The following FBRSL1 variants were observed in gnomAD, a reference collection of about 807,000 sequenced individuals.
The protein encoded by FBRSL1 is fibrosin-1-like protein.
In FBRSL1, 51 loss-of-function variants were observed where a neutral mutation model predicts 89.6. The observed-to-expected ratio is 0.57, with a 90% CI of 0.45 to 0.72. FBRSL1 has a LOEUF of 0.72. FBRSL1 is among the 30% of genes least tolerant of loss of function. FBRSL1 has a pLI of 0.00. For synonymous variants in FBRSL1, 779 were observed against 681.1 expected, an observed-to-expected ratio of 1.14 and a Z score of -2.24; for missense variants, 1,618 against 1,451.8, an observed-to-expected ratio of 1.11 and a Z score of -1.86.
intron 2 of FBRSL1, among the ~76,000 whole-genome samples, chr12:132,523,287 C>T (rs183598167): frequency 2.0e-5 from 3 of 152,282 alleles, no homozygotes; most frequent in Admixed American, 2.0e-4. Flanking sequence ...GACCAGGACA[C>T]AGATTCCCAG....
At position 132,574,571 on chromosome 12, in the gene FBRSL1, C is replaced by A. The variant is rs758969518; in HGVS notation, c.1701+7C>A. On this transcript the variant is annotated splice_region_variant and intron_variant, in intron 14 of 18. Transcript: ENST00000680143. The stretch of plus-strand genomic sequence containing the variant: ...TCACCAGCAGAAGATAAAGGTGAGA[C>A]CACCTGGGCTGGGGCAGGGCGCTTG... 1.5e-5 allele frequency: 23 copies of A among 1,548,820 alleles called. No homozygotes were observed. Among genetic ancestry groups the A allele is most frequent in the Non-Finnish European group, 2.0e-5 (23 of 1,146,500 alleles).
At position 132,582,047 on chromosome 12, in the gene FBRSL1, G is replaced by A; in HGVS notation, c.1997-15G>A. 6.5e-7 allele frequency: 1 copy of A among 1,539,618 alleles called. No homozygotes were observed. Among genetic ancestry groups the A allele is most frequent in the Non-Finnish European group, 8.8e-7 (1 of 1,140,564 alleles). ...AGACAGACCCAACCTCATGCTCCCC[G>A]GCCTCTGCCCCCAGCTCCCGGTGGC... On this transcript the variant is annotated splice_polypyrimidine_tract_variant and intron_variant, in intron 17 of 18. Transcript: ENST00000680143.
intron 1 of FBRSL1, 103 bp downstream of exon 1, chr12:132,490,964 C>T: frequency 1.1e-6 from 1 of 930,766 alleles, no homozygotes; most frequent in Non-Finnish European, 1.3e-6. Context: ...CCGCCCGCGC[C>T]GTGGGCAGCC....
At chr12:132,528,088 A>C in intron 4 of FBRSL1, 100 bp downstream of exon 4, 5 of 1,077,288 alleles carry the variant, frequency 4.6e-6, no homozygotes, top group Non-Finnish European at 7.0e-6. Flanking sequence ...AGCTCACCCC[A>C]GTCCCGTGCC....
chr12:132,571,460 A>G (rs2040001850), intron 9 of FBRSL1: 14 of 1,549,786 alleles, frequency 9.0e-6, no homozygotes, highest in Non-Finnish European at 1.2e-5. Flanking sequence ...ACACACCAGC[A>G]CCAACACACA....
chr12:132,504,779 C>T (rs143574250), intron 1 of FBRSL1, among the ~76,000 whole-genome samples: 151 of 152,274 alleles, frequency 9.9e-4, no homozygotes, highest in African/African-American at 1.8e-3. Context: ...TGTCTTCATT[C>T]GACACTGGGG....
intron 5 of FBRSL1, among the ~76,000 whole-genome samples, chr12:132,563,898 C>T (rs55801567): frequency 0.28 from 20,410 of 71,850 alleles, 4,798 homozygotes; most frequent in East Asian, 0.7. Flanking sequence ...CCTGAACCCC[C>T]GAGCACCTGT....
chr12:132,559,570 C>T (rs11616163), intron 5 of FBRSL1, among the ~76,000 whole-genome samples: 85,921 of 151,766 alleles, frequency 0.57, 25,235 homozygotes, highest in Middle Eastern at 0.7. Context: ...TTTTTTATTT[C>T]GTAGAGACGG....
At chr12:132,510,443 C>T (rs2034204517) in intron 2 of FBRSL1, 1 of 1,231,964 alleles carries the variant, frequency 8.1e-7, no homozygotes, top group Non-Finnish European at 1.0e-6. Context: ...GCCCTGGAGC[C>T]TGATGCCTGC....
intron 2 of FBRSL1, among the ~76,000 whole-genome samples, chr12:132,520,671 G>C (rs761000311): frequency 1.3e-5 from 2 of 152,222 alleles, no homozygotes; most frequent in Admixed American, 1.3e-4. Flanking sequence ...GCATCTGCCT[G>C]CAAGTCCCTG....
Position 132,575,430 on chromosome 12 carries a change from T to C in FBRSL1, c.1701+866T>C, listed in dbSNP as rs527633601. Among the ~76,000 whole-genome samples the C allele has an allele frequency of 8.5e-5, 13 of 152,342 alleles. No individual in the cohort carries two copies. In the East Asian group the frequency reaches 2.5e-3, roughly 29 times the overall value. ...TTTTTGTAGAGACGGGGTTTCACCA[T>C]GTTGGCCAGGATGGTCTCAATCTCT... is the stretch of plus-strand genomic sequence containing the variant. On this transcript the variant is annotated intron_variant, in intron 14 of 18. Coordinates refer to ENST00000680143, the MANE Select transcript of FBRSL1 (RefSeq NM_001367871.1).
At chr12:132,581,560 C>T in intron 16 of FBRSL1, 44 bp downstream of exon 16, 1 of 1,543,304 alleles carries the variant, frequency 6.5e-7, no homozygotes, top group Non-Finnish European at 8.8e-7. Flanking sequence ...GCTGGTTCCT[C>T]AGCAGCCTTG....
intron 5 of FBRSL1, among the ~76,000 whole-genome samples, chr12:132,559,758 C>G (rs907447416): frequency 6.6e-6 from 1 of 152,198 alleles, no homozygotes; most frequent in Non-Finnish European, 1.5e-5. Flanking sequence ...TCCGTAACTT[C>G]TTGTTGTGAG....
intron 2 of FBRSL1, among the ~76,000 whole-genome samples, chr12:132,522,879 C>T (rs370947345): frequency 1.4e-4 from 21 of 152,222 alleles, no homozygotes; most frequent in Non-Finnish European, 2.5e-4. Context: ...GCCTGGCAGA[C>T]GGAGCCACCT....
At chr12:132,542,375 C>G (rs994112689) in intron 4 of FBRSL1, among the ~76,000 whole-genome samples, 4 of 152,248 alleles carry the variant, frequency 2.6e-5, no homozygotes, top group African/African-American at 9.6e-5. Context: ...CTGGGCCTTT[C>G]CACTCCATCC....
At chr12:132,568,208 A>G (rs935278890) in intron 6 of FBRSL1, among the ~76,000 whole-genome samples, 1 of 152,214 alleles carries the variant, frequency 6.6e-6, no homozygotes, top group Admixed American at 6.5e-5. Flanking sequence ...GGCGGGCAGC[A>G]TCTCCGGCAG....
chr12:132,581,583 T>C, intron 16 of FBRSL1, 67 bp downstream of exon 16: 1 of 1,526,424 alleles, frequency 6.6e-7, no homozygotes, highest in Non-Finnish European at 8.9e-7. Context: ...GCGGGGGAAT[T>C]AGGTGGGCGG....
rs116438314 is a variant in FBRSL1 at position 132,503,381 on chromosome 12, G to A, written c.292-4772G>A. Among the ~76,000 whole-genome samples, 559 of 152,356 alleles carry A rather than the reference G, an allele frequency of 3.7e-3. 1 individual carries two copies. Among genetic ancestry groups the A allele is most frequent in the African/African-American group, 0.013 (528 of 41,584 alleles). The stretch of plus-strand genomic sequence containing the variant: ...AAGTGAGGTGTCAGTGAGGCTTGCC[G>A]GGGCAGTTTCTGTGGGTGCGTGATG... On this transcript the variant is annotated intron_variant, in intron 1 of 18. Coordinates refer to ENST00000680143, the MANE Select transcript of FBRSL1 (RefSeq NM_001367871.1).
At chr12:132,553,618 A>G (rs2137453425) in intron 5 of FBRSL1, 1 of 152,270 alleles carries the variant, frequency 6.6e-6, no homozygotes, top group African/African-American at 2.4e-5. Flanking sequence ...GAGGACCGAG[A>G]TCATGACCAC....
Sources: gnomAD v4.1 joint callset for allele counts (sites outside exome capture counted in the v4.1 genomes callset) on GRCh38, gnomAD v4.1.1 for gene constraint, MANE v1.5 for transcripts, NCBI Gene and HGNC (gene_info 2026-07-23, HGNC 2026-07-21) for gene names.